AP1S3: variants seen among roughly 807,000 people sequenced by gnomAD.
AP1S3 encodes adaptor related protein complex 1 subunit sigma 3.
Under a neutral mutation model 20.9 loss-of-function variants are expected in AP1S3, and 10 were observed. The ratio of observed to expected loss-of-function variants is 0.48; its 90% CI spans 0.29 to 0.81. The LOEUF (loss-of-function observed/expected upper bound fraction) is 0.81. Among genes scored for constraint, AP1S3 ranks in the 30% least tolerant of loss-of-function variants. The pLI, the probability that AP1S3 is intolerant of heterozygous loss-of-function variation, is 0.08. For synonymous variants in AP1S3, 41 were observed against 61.5 expected (o/e 0.67, Z 1.56); for missense variants, 154 against 183.8 (o/e 0.84, Z 0.94).
intron 1 of AP1S3, among the ~76,000 whole-genome samples, chr2:223,785,076 T>C (rs1691042090): frequency 6.6e-6 from 1 of 152,124 alleles, no homozygotes; most frequent in African/African-American, 2.4e-5. Flanking sequence ...CAGGTGCGCT[T>C]AGACCTGTAA....
At chr2:223,817,015 C>T (rs7577788) in intron 1 of AP1S3, among the ~76,000 whole-genome samples, 48,832 of 151,880 alleles carry the variant, frequency 0.32, 8,256 homozygotes, top group Middle Eastern at 0.43. Flanking sequence ...ATCCCAGCTA[C>T]GCAGGAGGCT....
chr2:223,814,951 A>T (rs534152665), intron 1 of AP1S3, among the ~76,000 whole-genome samples: 2 of 152,106 alleles, frequency 1.3e-5, no homozygotes, highest in African/African-American at 4.8e-5. Context: ...TAATTCTTTT[A>T]TCTGTAGAAA....
chr2:223,771,097 G>C (rs1220142405), intron 3 of AP1S3, among the ~76,000 whole-genome samples: 1 of 151,968 alleles, frequency 6.6e-6, no homozygotes, highest in Non-Finnish European at 1.5e-5. Context: ...CACTTTGGGG[G>C]GGCTGAGGCG....
At chr2:223,780,139 C>A (rs1436693997) in intron 1 of AP1S3, among the ~76,000 whole-genome samples, 2 of 151,408 alleles carry the variant, frequency 1.3e-5, no homozygotes, top group African/African-American at 2.4e-5. Context: ...CACCCCCTGG[C>A]CCCAGCCTAC....
At chr2:223,812,968 G>A (rs753223306) in intron 1 of AP1S3, among the ~76,000 whole-genome samples, 10 of 151,124 alleles carry the variant, frequency 6.6e-5, no homozygotes, top group Non-Finnish European at 1.2e-4. Flanking sequence ...CTGTTCTGTC[G>A]CCCAGGCTGG....
chr2:223,792,786 C>T (rs1210498762), intron 1 of AP1S3, among the ~76,000 whole-genome samples: 1 of 152,116 alleles, frequency 6.6e-6, no homozygotes. Context: ...GACAGACATC[C>T]TACAGAATGA....
intron 1 of AP1S3, among the ~76,000 whole-genome samples, chr2:223,827,228 G>A (rs1426364919): frequency 2.0e-5 from 3 of 152,150 alleles, no homozygotes; most frequent in African/African-American, 7.2e-5. Context: ...ACTTAGAACT[G>A]AAGACATGAC....
At chr2:223,771,474 C>T (rs1158172638) in intron 3 of AP1S3, among the ~76,000 whole-genome samples, 1 of 152,236 alleles carries the variant, frequency 6.6e-6, no homozygotes, top group Non-Finnish European at 1.5e-5. Flanking sequence ...TTCTTGCTCC[C>T]TCACCATGTT....
chr2:223,793,326 T>C (rs1247802159), intron 1 of AP1S3, among the ~76,000 whole-genome samples: 1 of 152,156 alleles, frequency 6.6e-6, no homozygotes, highest in East Asian at 1.9e-4. Flanking sequence ...TCAACCTAAA[T>C]GCCTATCAAT....
At chr2:223,778,136 G>GT (rs893163913) in intron 1 of AP1S3, among the ~76,000 whole-genome samples, 19 of 149,160 alleles carry the variant, frequency 1.3e-4, no homozygotes, top group African/African-American at 4.8e-4. Context: ...TTGTTTGTTT[G>GT]TTTTTTTGAG....
chr2:223,801,305 G>A (rs1255789491), intron 1 of AP1S3, among the ~76,000 whole-genome samples: 5 of 152,148 alleles, frequency 3.3e-5, no homozygotes, highest in African/African-American at 9.7e-5. Flanking sequence ...TTCAGAGCTG[G>A]GCTTTGATTC....
At chr2:223,819,492 AATAAACT>A (rs1272781959) in intron 1 of AP1S3, among the ~76,000 whole-genome samples, 1 of 152,180 alleles carries the variant, frequency 6.6e-6, no homozygotes, top group African/African-American at 2.4e-5. Context: ...TAGCTACAGA[AATAAACT>A]ATAAAGTCCA....
intron 1 of AP1S3, among the ~76,000 whole-genome samples, chr2:223,816,331 C>A (rs1466234768): frequency 1.6e-5 from 2 of 121,576 alleles, no homozygotes; most frequent in East Asian, 2.3e-4. Context: ...CTTCCTCCCC[C>A]ATGCTTCTGA....
intron 1 of AP1S3, among the ~76,000 whole-genome samples, chr2:223,800,531 T>TA (rs11409226): frequency 0.41 from 61,139 of 150,074 alleles, 12,496 homozygotes; most frequent in Middle Eastern, 0.49. Context: ...CCTGTCTCTT[T>TA]AAAAAAAAAA....
intron 4 of AP1S3, among the ~76,000 whole-genome samples, chr2:223,762,474 T>G (rs1266765545): frequency 6.6e-6 from 1 of 152,110 alleles, no homozygotes; most frequent in Non-Finnish European, 1.5e-5. Flanking sequence ...GATTTTGCCA[T>G]GTTGGCTAGG....
intron 1 of AP1S3, among the ~76,000 whole-genome samples, chr2:223,812,911 C>CATTTTGTGTGGGGTTTT (rs1238723140): frequency 6.6e-6 from 1 of 151,526 alleles, no homozygotes; most frequent in African/African-American, 2.4e-5. Flanking sequence ...TTCATGTTGC[C>CATTTTGTGTGGGGTTTT]ATTTTGTGTG....
chr2:223,828,731 G>T (rs972985623), intron 1 of AP1S3, among the ~76,000 whole-genome samples: 20 of 152,278 alleles, frequency 1.3e-4, no homozygotes, highest in African/African-American at 4.3e-4. Context: ...TGGACACAGG[G>T]TCATTACATG....
intron 3 of AP1S3, among the ~76,000 whole-genome samples, chr2:223,768,680 C>T (rs748776287): frequency 1.3e-5 from 2 of 151,988 alleles, no homozygotes; most frequent in Non-Finnish European, 2.9e-5. Context: ...CATGGTGAAA[C>T]CTTGTCTTTA....
chr2:223,822,235 TA>T, intron 1 of AP1S3, among the ~76,000 whole-genome samples: 1 of 149,718 alleles, frequency 6.7e-6, no homozygotes, highest in South Asian at 2.1e-4. Flanking sequence ...ACAAAAAAAA[TA>T]GAAAAAATGA....
Sources: allele counts gnomAD v4.1 joint callset (sites outside exome capture counted in the v4.1 genomes callset), GRCh38; gene constraint gnomAD v4.1.1; transcripts MANE v1.5; gene names NCBI Gene and HGNC (gene_info 2026-07-23, HGNC 2026-07-21).